The following STX16 variants were observed in gnomAD, a reference collection of about 807,000 sequenced individuals.
STX16 encodes syntaxin-16.
A neutral mutation model predicts 42.7 loss-of-function variants in STX16; 28 were observed. The ratio of observed to expected loss-of-function variants is 0.66; its 90% confidence interval spans 0.49 to 0.90. STX16 has a LOEUF of 0.90. Among genes scored for constraint, STX16 ranks in the 40% least tolerant of loss-of-function variants. The pLI, the probability that STX16 is intolerant of heterozygous loss-of-function variation, is 0.00. For synonymous variants in STX16, 156 were observed against 155.2 expected (o/e 1.00, Z -0.04); for missense variants, 361 against 420.9 (o/e 0.86, Z 1.24).
chr20:58,656,615 C>T (rs1273162466), intron 1 of STX16, among the ~76,000 whole-genome samples: 2 of 152,140 alleles, frequency 1.3e-5, no homozygotes, highest in African/African-American at 2.4e-5. Flanking sequence ...GTGTTTACTG[C>T]CTAATCTATA....
At chr20:58,661,713 T>C (rs776196795) in intron 2 of STX16, among the ~76,000 whole-genome samples, 9 of 152,236 alleles carry the variant, frequency 5.9e-5, no homozygotes, top group Non-Finnish European at 1.2e-4. Context: ...AAGTGCCAGG[T>C]ACTGGCCTAG....
chr20:58,672,423 CA>C (rs2084002935), intron 7 of STX16, among the ~76,000 whole-genome samples: 1 of 128,508 alleles, frequency 7.8e-6, no homozygotes, highest in Non-Finnish European at 1.7e-5. Context: ...GTATAAGAAA[CA>C]TTAATGAATT....
chr20:58,652,068 G>T lies in STX16; in HGVS notation c.62G>T (p.Arg21Leu). 1 of 1,614,168 alleles carries T rather than the reference G, an allele frequency of 6.2e-7. No homozygotes were observed. The highest frequency in any genetic ancestry group is 2.2e-5 in the East Asian group (1 of 44,878). ...LLLRNNSIQN[R>L]QLLAEQVSSH... ...TTGCGGAATAATTCCATCCAAAACC[G>T]GCAGCTGTTAGCCGAGCAAGTGAGT... The change falls in exon 1 of 9, where the codon CGG (arginine) becomes CTG (leucine). Residue 21 changes from arginine to leucine, a missense_variant. Transcript: ENST00000371141.
intron 1 of STX16, among the ~76,000 whole-genome samples, chr20:58,654,547 G>A (rs560930753): frequency 7.9e-5 from 12 of 152,260 alleles, no homozygotes; most frequent in Admixed American, 2.6e-4. Flanking sequence ...TAAACATTTT[G>A]AAGCAAAAGC....
Position 58,669,443 on chromosome 20 carries a change from C to A in STX16, c.546C>A (p.Gly182=), listed in dbSNP as rs372211731. The part of the protein sequence containing the change: ...LSTSFRHAQS[G]YLKRMKNREE... ...CCAGCTTCCGGCACGCACAGTCAGGCTACCTCAAACGTGAGTGCTGCCCGG... is the reference window on the plus strand; with the variant it reads ...CCAGCTTCCGGCACGCACAGTCAGGATACCTCAAACGTGAGTGCTGCCCGG... Residue 182 remains glycine, a synonymous_variant, in exon 5 of 9, where the codon GGC becomes GGA. Transcript: ENST00000371141. 1.1e-4 allele frequency: 185 copies of A among 1,610,202 alleles called. No individual in the cohort carries two copies. Among genetic ancestry groups the A allele is most frequent in the Admixed American group, 1.4e-4 (8 of 59,104 alleles).
intron 2 of STX16, among the ~76,000 whole-genome samples, chr20:58,660,562 C>T (rs1226908965): frequency 6.6e-6 from 1 of 152,026 alleles, no homozygotes; most frequent in Admixed American, 6.6e-5. Flanking sequence ...TCATTGGGAA[C>T]TGGTTAAATA....
chr20:58,675,136 TCGGGAGCTGCTCCC>T (rs2084074607), intron 8 of STX16, among the ~76,000 whole-genome samples: 1 of 151,992 alleles, frequency 6.6e-6, no homozygotes, highest in South Asian at 2.1e-4. Context: ...TGATTGAGCG[TCGGGAGCTGCTCCC>T]CATGACCGGA....
rs777585685 is a variant in STX16, at chr20:58,652,066, C to T, written c.60C>T (p.Asn20=). 6.2e-7 allele frequency: 1 copy of T among 1,614,182 alleles called. No homozygotes were observed. Among genetic ancestry groups the T allele is most frequent in the Non-Finnish European group, 8.5e-7 (1 of 1,180,024 alleles). Residue 20 remains asparagine, a synonymous_variant, in exon 1 of 9, where the codon AAC becomes AAT. Transcript: ENST00000371141. ...FLLLRNNSIQ[N]RQLLAEQVSS... ...TGTTGCGGAATAATTCCATCCAAAACCGGCAGCTGTTAGCCGAGCAAGTGA... is the reference window on the plus strand; with the variant it reads ...TGTTGCGGAATAATTCCATCCAAAATCGGCAGCTGTTAGCCGAGCAAGTGA...
chr20:58,676,113 AT>A, intron 8 of STX16, 73 bp from the exon 9 acceptor site: 1 of 1,263,212 alleles, frequency 7.9e-7, no homozygotes. Flanking sequence ...TGGAAGCCTC[AT>A]TCTGGAAACG....
intron 7 of STX16, among the ~76,000 whole-genome samples, chr20:58,672,191 T>G (rs921603375): frequency 6.6e-6 from 1 of 151,956 alleles, no homozygotes; most frequent in African/African-American, 2.4e-5. Context: ...AAAAATTAGC[T>G]GGGCATGGTG....
At chr20:58,652,358 T>A in intron 1 of STX16, 4 of 622,502 alleles carry the variant, frequency 6.4e-6, no homozygotes, top group East Asian at 7.3e-5. Context: ...GGTCTTCTCC[T>A]CACTTCCGCA....
In STX16 at chr20:58,666,323, G is replaced by T. The variant is rs558493614; in HGVS notation, c.145-1167G>T. Among the ~76,000 whole-genome samples the T allele has an allele frequency of 8.6e-4, 130 of 151,950 alleles. 1 individual carries two copies. The highest frequency in any genetic ancestry group is 1.2e-3 in the Non-Finnish European group (84 of 68,006). On this transcript the variant is annotated intron_variant, in intron 2 of 8. Coordinates refer to ENST00000371141, the MANE Select transcript of STX16 (RefSeq NM_001001433.3). Reference sequence around the variant, plus strand: ...ATTTAAAAATTCTGAGCTCTGGAGGGCACCTCAAAATCTTTTCAACCCATT... The same window carrying T: ...ATTTAAAAATTCTGAGCTCTGGAGGTCACCTCAAAATCTTTTCAACCCATT...
Position 58,676,244 on chromosome 20 carries a change from A to G in STX16, c.931A>G (p.Ile311Val), listed in dbSNP as rs370017047. Residue 311 changes from isoleucine to valine, a missense_variant, in exon 9 of 9, where the codon ATC (isoleucine) becomes GTC (valine). By Grantham distance (29) the Ile-to-Val change is conservative (BLOSUM62 3). Transcript: ENST00000371141. ...GCTTGTGATTTTAATATTATTTGTC[A>G]TCATCATTGTGCTCATTGTTGTCCT... ...KMLVILILFV[I>V]IIVLIVVLVG... The G allele has an allele frequency of 1.9e-6, 3 of 1,614,058 alleles. No homozygotes were observed. The African/African-American group carries it at 4.0e-5, about 22-fold the overall frequency.
rs2083461491 is a variant in STX16, at chr20:58,651,785, G to A, written c.-222G>A. 3 of 526,874 alleles carry A rather than the reference G, an allele frequency of 5.7e-6. No homozygotes were observed. In the South Asian group the frequency reaches 6.4e-5, roughly 11 times the overall value. 32.6% of individuals were successfully genotyped at this position (526,874 alleles called of 1,614,324 possible). On this transcript the variant is annotated 5_prime_UTR_variant, in exon 1 of 9. Transcript: ENST00000371141. ...GCTTAGAGATCGAAGTCTGCCCTGG[G>A]TAGGGGGAGTCAGACAATTGGAAAG...
chr20:58,676,495 T>C lies in STX16; in HGVS notation c.*204T>C, dbSNP rs991905800. On this transcript the variant is annotated 3_prime_UTR_variant, in exon 9 of 9. Transcript: ENST00000371141. ...ATGGGTTTTTGTTTTTCCTTCATTG[T>C]TGAGAATTTAAGGACCTTTGATACT... 6 of 563,048 alleles carry C rather than the reference T, an allele frequency of 1.1e-5. No homozygotes were observed. Among genetic ancestry groups the C allele is most frequent in the Non-Finnish European group, 1.9e-5 (6 of 316,464 alleles). The allele number at this position is 563,048 out of a possible 1,614,324, so 34.9% of individuals were successfully genotyped here. A position where few individuals can be genotyped will look rare whatever the true frequency, so the allele number is the denominator to read the frequency against.
intron 2 of STX16, among the ~76,000 whole-genome samples, chr20:58,661,636 G>A (rs1258844568): frequency 1.3e-5 from 2 of 152,164 alleles, no homozygotes; most frequent in African/African-American, 2.4e-5. Context: ...TATTTACCTC[G>A]TGCATTCATT....
chr20:58,665,992 G>A (rs1014723838), intron 2 of STX16, among the ~76,000 whole-genome samples: 9 of 152,084 alleles, frequency 5.9e-5, no homozygotes, highest in African/African-American at 2.2e-4. Flanking sequence ...AACTCTTTAG[G>A]ATTTAGGGCC....
At chr20:58,659,042 G>T (rs180692208) in intron 1 of STX16, among the ~76,000 whole-genome samples, 4 of 152,094 alleles carry the variant, frequency 2.6e-5, no homozygotes, top group Non-Finnish European at 5.9e-5. Flanking sequence ...GGATGAAGCC[G>T]TGTCTGCGGG....
In STX16 at chr20:58,655,156, A is replaced by G. The variant is rs202113756; in HGVS notation, c.132+3018A>G. Among the ~76,000 whole-genome samples the G allele has an allele frequency of 4.6e-5, 7 of 152,298 alleles. No homozygotes were observed. The East Asian group carries it at 1.3e-3, about 29-fold the overall frequency. On this transcript the variant is annotated intron_variant, in intron 1 of 8. Coordinates refer to ENST00000371141, the MANE Select transcript of STX16 (RefSeq NM_001001433.3). The stretch of plus-strand genomic sequence containing the variant: ...AAGCTGTAGACTTTGATCTTGATGC[A>G]TTTGATACCAACTAAAAATACACCT...
Sources: gnomAD v4.1 joint callset for allele counts (sites outside exome capture counted in the v4.1 genomes callset) on GRCh38, gnomAD v4.1.1 for gene constraint, MANE v1.5 for transcripts, NCBI Gene and HGNC (gene_info 2026-07-23, HGNC 2026-07-21) for gene names.